The following ANKS1A variants were observed in gnomAD, a reference collection of about 807,000 sequenced individuals.
ANKS1A encodes ankyrin repeat and SAM domain-containing protein 1A.
A neutral mutation model predicts 120.3 loss-of-function variants in ANKS1A; 55 were observed. The observed-to-expected ratio is 0.46, with a 90% CI of 0.37 to 0.57. The LOEUF is 0.57. ANKS1A is among the 20% of genes least tolerant of loss of function. The pLI is 0.00. For missense variants in ANKS1A, 1,123 were observed against 1,480.3 expected (o/e 0.76, Z 3.96); for synonymous variants, 590 against 604.7 (o/e 0.98, Z 0.36).
intron 1 of ANKS1A, among the ~76,000 whole-genome samples, chr6:34,919,574 C>T (rs1272029283): frequency 1.3e-5 from 2 of 152,166 alleles, no homozygotes; most frequent in Non-Finnish European, 2.9e-5. Flanking sequence ...CTTTTGGGCT[C>T]ATTTTAGAAA....
intron 11 of ANKS1A, among the ~76,000 whole-genome samples, chr6:35,036,910 AATGTTTC>A (rs1320555936): frequency 1.3e-5 from 2 of 152,182 alleles, no homozygotes; most frequent in Non-Finnish European, 2.9e-5. Flanking sequence ...GGGCCCCGGT[AATGTTTC>A]TACAGGCTCC....
Position 35,091,335 on chromosome 6 carries a change from G to A in ANKS1A, c.*2726G>A, listed in dbSNP as rs1778294027. The A allele has an allele frequency of 1.0e-6, 1 of 985,508 alleles. No homozygotes were observed. The highest frequency in any genetic ancestry group is 4.7e-5 in the South Asian group (1 of 21,288). The allele number at this position is 985,508 out of a possible 1,614,324, so 61.0% of individuals were successfully genotyped here. On this transcript the variant is annotated 3_prime_UTR_variant, in exon 24 of 24. Transcript: ENST00000360359. ...AAATATTTCTGGGCTTCCAGCTTTG[G>A]TTTTGTTATTTTCATAACTGTACAC...
chr6:35,026,865 T>G (rs1022451386), intron 11 of ANKS1A, among the ~76,000 whole-genome samples: 1 of 152,230 alleles, frequency 6.6e-6, no homozygotes, highest in African/African-American at 2.4e-5. Flanking sequence ...GATTTCTTTA[T>G]TTTAAGCTGT....
chr6:35,030,394 T>C (rs1225988344), intron 11 of ANKS1A, among the ~76,000 whole-genome samples: 1 of 152,202 alleles, frequency 6.6e-6, no homozygotes, highest in African/African-American at 2.4e-5. Context: ...TAGGTTTTTC[T>C]TTTGTGACTT....
intron 13 of ANKS1A, among the ~76,000 whole-genome samples, chr6:35,069,590 G>T (rs557851054): frequency 3.5e-4 from 53 of 151,996 alleles, no homozygotes; most frequent in African/African-American, 1.3e-3. Flanking sequence ...GCCCAGGCTG[G>T]AGTGCAGTGG....
chr6:35,067,791 C>T (rs1471832043), intron 13 of ANKS1A, among the ~76,000 whole-genome samples: 1 of 151,778 alleles, frequency 6.6e-6, no homozygotes, highest in Non-Finnish European at 1.5e-5. Flanking sequence ...AATTAATTAA[C>T]TTAGGAAGAT....
At chr6:35,015,259 G>A (rs373394005) in intron 10 of ANKS1A, among the ~76,000 whole-genome samples, 18 of 152,222 alleles carry the variant, frequency 1.2e-4, no homozygotes, top group South Asian at 2.1e-4. Flanking sequence ...CACTTTGGGA[G>A]GCCAAGGCAG....
rs548292180 is a variant in ANKS1A, at chr6:35,066,943, G to A, written c.2184+6690G>A. On this transcript the variant is annotated intron_variant, in intron 13 of 23. Coordinates refer to ENST00000360359, the MANE Select transcript of ANKS1A (RefSeq NM_015245.3). The stretch of plus-strand genomic sequence containing the variant: ...ACTGAGCGCCTGATTCCTGCCCTCA[G>A]GCTGATGCTGGGTAGCAAACCCTGT... Among the ~76,000 whole-genome samples, 6 of 152,318 alleles carry A rather than the reference G, an allele frequency of 3.9e-5. No homozygotes were observed. The East Asian group carries it at 7.7e-4, about 20-fold the overall frequency.
Position 35,056,809 on chromosome 6 carries a change from G to A in ANKS1A, c.2077+2644G>A, listed in dbSNP as rs189693502. Among the ~76,000 whole-genome samples the A allele has an allele frequency of 2.1e-3, 321 of 152,256 alleles. 1 individual carries two copies. The highest frequency in any genetic ancestry group is 7.4e-3 in the African/African-American group (306 of 41,568). On this transcript the variant is annotated intron_variant, in intron 12 of 23. Transcript: ENST00000360359. ...GGGCTGCAGAGCCCCAGGCTGCTGTGTCTGCACCACTGCCAGGTGCTGAAG... is the reference window on the plus strand; with the variant it reads ...GGGCTGCAGAGCCCCAGGCTGCTGTATCTGCACCACTGCCAGGTGCTGAAG...
intron 1 of ANKS1A, among the ~76,000 whole-genome samples, chr6:34,941,286 A>G (rs1482460204): frequency 6.6e-6 from 1 of 152,148 alleles, no homozygotes; most frequent in Non-Finnish European, 1.5e-5. Flanking sequence ...GCGCCAGCCT[A>G]ACAATTTTAT....
chr6:34,994,842 T>C (rs978869011), intron 10 of ANKS1A, among the ~76,000 whole-genome samples: 1 of 152,144 alleles, frequency 6.6e-6, no homozygotes, highest in Non-Finnish European at 1.5e-5. Flanking sequence ...AGTGAGACAC[T>C]CCTGGGGAGG....
intron 1 of ANKS1A, among the ~76,000 whole-genome samples, chr6:34,948,432 C>T (rs1444527525): frequency 6.6e-6 from 1 of 152,068 alleles, no homozygotes; most frequent in Non-Finnish European, 1.5e-5. Flanking sequence ...AGAACTAAAG[C>T]AGAGAGGAGG....
chr6:35,086,229 C>T lies in ANKS1A; in HGVS notation c.3303+293C>T, dbSNP rs964131293. 2.1e-5 allele frequency: 29 copies of T among 1,365,382 alleles called. No homozygotes were observed. The highest frequency in any genetic ancestry group is 4.4e-5 in the African/African-American group (3 of 68,960). The allele number at this position is 1,365,382 out of a possible 1,614,324, so 84.6% of individuals were successfully genotyped here. Reference sequence around the variant, plus strand: ...GCCTGCAGGCAGCCCCCAGTAACTGCGCCATCCCTGTGTCTGTGTCTGCTT... The same window carrying T: ...GCCTGCAGGCAGCCCCCAGTAACTGTGCCATCCCTGTGTCTGTGTCTGCTT... On this transcript the variant is annotated intron_variant, in intron 22 of 23. Transcript: ENST00000360359. This position sits in a 1 kb window ranked among gnomAD's most constrained non-coding sequence, Gnocchi z 5.1.
At chr6:34,955,642 C>G (rs1156668698) in intron 1 of ANKS1A, among the ~76,000 whole-genome samples, 1 of 152,126 alleles carries the variant, frequency 6.6e-6, no homozygotes, top group Non-Finnish European at 1.5e-5. Flanking sequence ...CACCCCGTTT[C>G]CTGGATACCC....
chr6:35,034,829 A>G (rs1211350801), intron 11 of ANKS1A, among the ~76,000 whole-genome samples: 2 of 152,204 alleles, frequency 1.3e-5, no homozygotes, highest in Non-Finnish European at 2.9e-5. Context: ...CCGAGTGATG[A>G]TTGATCCCTG....
At chr6:35,031,267 T>TA (rs1451493134) in intron 11 of ANKS1A, among the ~76,000 whole-genome samples, 2 of 152,152 alleles carry the variant, frequency 1.3e-5, no homozygotes, top group Non-Finnish European at 2.9e-5. Flanking sequence ...TTTCCCCATG[T>TA]CCCATCACAT....
chr6:35,081,025 C>T lies in ANKS1A; in HGVS notation c.2576C>T (p.Pro859Leu), dbSNP rs1302219240. 1 of 1,614,052 alleles carries T rather than the reference C, an allele frequency of 6.2e-7. No individual in the cohort carries two copies. Among genetic ancestry groups the T allele is most frequent in the South Asian group, 1.1e-5 (1 of 91,068 alleles). ...GATTTGCTCTCCCAGACGTCATCCC[C>T]ACTGAGTCAGAATGATTCCTGCACT... is the stretch of plus-strand genomic sequence containing the variant. Reference protein sequence around the residue: ...CQDLLSQTSSPLSQNDSCTGR... With the variant: ...CQDLLSQTSSLLSQNDSCTGR... The change falls in exon 17 of 24, where the codon CCA (proline) becomes CTA (leucine). Residue 859 changes from proline to leucine, a missense_variant. By Grantham distance (98) the Pro-to-Leu change is moderately conservative. Around this residue, in one of 3 missense-constraint regions of ANKS1A, gnomAD observed 904 missense variants for 1,130.4 expected, o/e 0.80. Coordinates refer to ENST00000360359, the MANE Select transcript of ANKS1A (RefSeq NM_015245.3).
the ANKS1A span, among the ~76,000 whole-genome samples, chr6:35,097,908 C>G: frequency 8.5e-5 from 13 of 152,278 alleles, no homozygotes; most frequent in Non-Finnish European, 1.8e-4. Context: ...AAATTTTGTT[C>G]CACAGCTTTC....
chr6:35,047,460 G>C (rs1775766781), intron 11 of ANKS1A, among the ~76,000 whole-genome samples: 1 of 152,204 alleles, frequency 6.6e-6, no homozygotes, highest in South Asian at 2.1e-4. Context: ...TTGGAGGCTG[G>C]TGGGGGTGCC....
Sources: allele counts gnomAD v4.1 joint callset (sites outside exome capture counted in the v4.1 genomes callset), GRCh38; gene constraint gnomAD v4.1.1; regional missense constraint gnomAD v4.1.1; non-coding constraint Gnocchi (gnomAD v3.1); transcripts MANE v1.5; gene names NCBI Gene and HGNC (gene_info 2026-07-23, HGNC 2026-07-21).